Variants in NKAIN3 observed in about 807,000 individuals in gnomAD.
NKAIN3 encodes sodium/potassium transporting ATPase interacting 3.
In NKAIN3, 25 loss-of-function variants were observed where a neutral mutation model predicts 30.2. That is an observed-to-expected ratio of 0.83 (90% CI 0.60 to 1.16). The LOEUF (loss-of-function observed/expected upper bound fraction) is 1.16. Among genes scored for constraint, NKAIN3 ranks in the 50% most tolerant of loss-of-function variants. The probability of loss-of-function intolerance (pLI) is 0.00; values close to 1 mark genes in which losing one functional copy is unlikely to be tolerated. For missense variants in NKAIN3, 225 were observed against 254.1 expected (o/e 0.89, Z 0.78); for synonymous variants, 91 against 89.6 (o/e 1.02, Z -0.09).
At chr8:62,996,279 G>C (rs1804110997) in intron 5 of NKAIN3, among the ~76,000 whole-genome samples, 1 of 152,196 alleles carries the variant, frequency 6.6e-6, no homozygotes, top group African/African-American at 2.4e-5. Context: ...GCAGGAGAGA[G>C]ACAGAGTGCG....
At chr8:62,844,527 T>C (rs543674475) in intron 4 of NKAIN3, among the ~76,000 whole-genome samples, 1 of 152,284 alleles carries the variant, frequency 6.6e-6, no homozygotes, top group Admixed American at 6.5e-5. Flanking sequence ...AAAATGTTAC[T>C]TTTTACCCAA....
intron 1 of NKAIN3, among the ~76,000 whole-genome samples, chr8:62,463,139 T>C (rs1310885372): frequency 6.6e-6 from 1 of 152,212 alleles, no homozygotes; most frequent in African/African-American, 2.4e-5. Context: ...GGTTGGCATT[T>C]TAATCCATTT....
At chr8:62,493,723 C>T (rs1807147278) in intron 1 of NKAIN3, among the ~76,000 whole-genome samples, 1 of 151,950 alleles carries the variant, frequency 6.6e-6, no homozygotes, top group Non-Finnish European at 1.5e-5. Context: ...TTTTGTAATT[C>T]TCAATGTTGA....
At chr8:62,774,505 C>A (rs1207136192) in intron 4 of NKAIN3, among the ~76,000 whole-genome samples, 1 of 152,102 alleles carries the variant, frequency 6.6e-6, no homozygotes, top group Non-Finnish European at 1.5e-5. Flanking sequence ...GAAAAGCTTT[C>A]AATTTTTGCC....
intron 3 of NKAIN3, among the ~76,000 whole-genome samples, chr8:62,732,212 T>C (rs1248882385): frequency 1.3e-5 from 2 of 152,170 alleles, no homozygotes; most frequent in African/African-American, 4.8e-5. Context: ...TGTCATTAAT[T>C]ATATTTTTCT....
At chr8:62,373,831 G>A (rs190612103) in intron 1 of NKAIN3, among the ~76,000 whole-genome samples, 7 of 152,210 alleles carry the variant, frequency 4.6e-5, no homozygotes, top group African/African-American at 1.2e-4. Context: ...TATACTTCTT[G>A]GCCGGGTGCG....
chr8:62,988,627 T>C (rs1441714072), downstream of NKAIN3, among the ~76,000 whole-genome samples: 1 of 152,212 alleles, frequency 6.6e-6, no homozygotes, highest in African/African-American at 2.4e-5. Flanking sequence ...CCAAGTCCCT[T>C]GGATGTACAC....
chr8:62,536,802 C>A (rs1808678951), intron 1 of NKAIN3, among the ~76,000 whole-genome samples: 1 of 152,112 alleles, frequency 6.6e-6, no homozygotes, highest in Non-Finnish European at 1.5e-5. Context: ...AACTTTAGTT[C>A]ACTTTTCCCA....
intron 4 of NKAIN3, chr8:62,855,185 C>A: frequency 7.3e-6 from 2 of 273,534 alleles, no homozygotes; most frequent in South Asian, 4.8e-5. Flanking sequence ...ATGTAAAGTC[C>A]CTCAACTTCT....
rs568603150 is a variant in NKAIN3 at position 62,571,222 on chromosome 8, G to A, written c.55-8317G>A. Among the ~76,000 whole-genome samples, 7 of 150,056 alleles carry A rather than the reference G, an allele frequency of 4.7e-5. No individual in the cohort carries two copies. In the Admixed American group the frequency reaches 4.7e-4, roughly 10 times the overall value. Reference sequence around the variant, plus strand: ...GCAATCTTGACTCACTGCAACCTCTGCCTCCCAGGTTTAAGTGATTCTCCT... The same window carrying A: ...GCAATCTTGACTCACTGCAACCTCTACCTCCCAGGTTTAAGTGATTCTCCT... On this transcript the variant is annotated intron_variant, in intron 1 of 6. Coordinates refer to ENST00000623646, the MANE Select transcript of NKAIN3 (RefSeq NM_001304533.3).
intron 1 of NKAIN3, among the ~76,000 whole-genome samples, chr8:62,510,606 G>A (rs986333849): frequency 1.3e-5 from 2 of 152,138 alleles, no homozygotes; most frequent in African/African-American, 4.8e-5. Flanking sequence ...TGAGAAAGAA[G>A]AGGAAGAGGA....
rs539153324 is a variant in NKAIN3, at chr8:62,713,675, A to G, written c.274-33257A>G. 3.8e-4 allele frequency among the ~76,000 whole-genome samples: 58 copies of G among 152,318 alleles called. 2 individuals are homozygous for G. Among genetic ancestry groups the G allele is most frequent in the Non-Finnish European group, 6.3e-4 (43 of 68,002 alleles). ...CCCTTCAATAAATTTTTATATATTG[A>G]GACTTGTTATTTCTCAAATCAAGAA... On this transcript the variant is annotated intron_variant, in intron 3 of 6. Coordinates refer to ENST00000623646, the MANE Select transcript of NKAIN3 (RefSeq NM_001304533.3).
chr8:62,859,821 A>T (rs1586279105), intron 4 of NKAIN3, among the ~76,000 whole-genome samples: 1 of 152,170 alleles, frequency 6.6e-6, no homozygotes, highest in African/African-American at 2.4e-5. Flanking sequence ...GTGGTCATAG[A>T]TATTGCTTCC....
At position 62,852,919 on chromosome 8, in the gene NKAIN3, A is replaced by G. The variant is rs146060577; in HGVS notation, c.472-65534A>G. 3.2e-4 allele frequency among the ~76,000 whole-genome samples: 49 copies of G among 152,284 alleles called. No individual in the cohort carries two copies. The East Asian group carries it at 9.1e-3, about 28-fold the overall frequency. On this transcript the variant is annotated intron_variant, in intron 4 of 6. Transcript: ENST00000623646. ...TAAGTGTGGTGTGGTGCTGAGAAGAATGTATATTCTGTTGATTTGAGGTGG... is the reference window on the plus strand; with the variant it reads ...TAAGTGTGGTGTGGTGCTGAGAAGAGTGTATATTCTGTTGATTTGAGGTGG...
chr8:62,684,336 T>C (rs183249919), intron 3 of NKAIN3, among the ~76,000 whole-genome samples: 47 of 152,278 alleles, frequency 3.1e-4, no homozygotes, highest in African/African-American at 1.1e-3. Flanking sequence ...CTCTAATGAG[T>C]TATTCTTTTC....
At chr8:62,998,366 C>A (rs778114032) in intron 5 of NKAIN3, among the ~76,000 whole-genome samples, 16 of 152,078 alleles carry the variant, frequency 1.1e-4, no homozygotes, top group Non-Finnish European at 2.2e-4. Flanking sequence ...ACCTCCACCC[C>A]CTGGGTTCAA....
intron 1 of NKAIN3, among the ~76,000 whole-genome samples, chr8:62,539,162 C>G (rs768238269): frequency 2.6e-5 from 4 of 152,176 alleles, no homozygotes; most frequent in South Asian, 2.1e-4. Flanking sequence ...GGTGCTGGAA[C>G]TATCTGAAAT....
chr8:62,618,926 AAAG>A (rs2130219542), intron 3 of NKAIN3, among the ~76,000 whole-genome samples: 1 of 152,204 alleles, frequency 6.6e-6, no homozygotes, highest in African/African-American at 2.4e-5. Flanking sequence ...AAAGAAAAGA[AAAG>A]AAAAGAAAAG....
Position 62,464,711 on chromosome 8 carries a change from A to G in NKAIN3, c.55-114828A>G, listed in dbSNP as rs887743866. Among the ~76,000 whole-genome samples, 3 of 152,190 alleles carry G rather than the reference A, an allele frequency of 2.0e-5. 1 individual carries two copies. The highest frequency in any genetic ancestry group is 2.0e-4 in the Admixed American group (3 of 15,280). ...TTTTTGAAAAGCAAAATAGTTGTTT[A>G]TTGTCAACTGAACTTTCCAGTTTTT... On this transcript the variant is annotated intron_variant, in intron 1 of 6. Coordinates refer to ENST00000623646, the MANE Select transcript of NKAIN3 (RefSeq NM_001304533.3).
Sources: gnomAD v4.1 joint callset for allele counts (sites outside exome capture counted in the v4.1 genomes callset) on GRCh38, gnomAD v4.1.1 for gene constraint, MANE v1.5 for transcripts, NCBI Gene and HGNC (gene_info 2026-07-23, HGNC 2026-07-21) for gene names.